STK10: variants seen among roughly 807,000 people sequenced by gnomAD.
STK10 encodes serine/threonine-protein kinase 10.
In STK10, 78 loss-of-function variants were observed where a neutral mutation model predicts 113.8. The observed-to-expected ratio is 0.69, with a 90% confidence interval of 0.57 to 0.83. The LOEUF (loss-of-function observed/expected upper bound fraction) is 0.83. STK10 is among the 40% of genes least tolerant of loss of function. STK10 has a pLI of 0.00. For synonymous variants in STK10, 465 were observed against 494.7 expected (o/e 0.94, Z 0.80); for missense variants, 1,109 against 1,280.1 (o/e 0.87, Z 2.04).
rs192931113 is a variant in STK10 at position 172,105,806 on chromosome 5, A to C, written c.789-69T>G. 7,648 of 1,388,490 alleles carry C rather than the reference A, an allele frequency of 5.5e-3. 76 individuals are homozygous for C. Among genetic ancestry groups the C allele is most frequent in the South Asian group, 0.024 (2,053 of 86,226 alleles). The allele number at this position is 1,388,490 out of a possible 1,614,324, so 86.0% of individuals were successfully genotyped here. On this transcript the variant is annotated intron_variant, in intron 6 of 18. Transcript: ENST00000176763. Reference sequence around the variant, plus strand: ...CAGAGAGAAGCCCCCCACGTCACAGACTCCACTGTCCCAATCATGCCCCTC... The same window carrying C: ...CAGAGAGAAGCCCCCCACGTCACAGCCTCCACTGTCCCAATCATGCCCCTC...
At chr5:172,178,855 T>C (rs558484733) in intron 1 of STK10, among the ~76,000 whole-genome samples, 2 of 152,320 alleles carry the variant, frequency 1.3e-5, no homozygotes, top group African/African-American at 4.8e-5. Flanking sequence ...CCCTCCCCCA[T>C]GGAGCATGTG....
At chr5:172,100,015 T>C (rs1335118673) in intron 7 of STK10, among the ~76,000 whole-genome samples, 1 of 152,220 alleles carries the variant, frequency 6.6e-6, no homozygotes, top group Non-Finnish European at 1.5e-5. Flanking sequence ...AGGGCAGCTC[T>C]GCCAGGCACC....
rs776657221 is a variant in STK10 at position 172,057,362 on chromosome 5, C to A, written c.2324G>T (p.Arg775Leu). The A allele has an allele frequency of 6.4e-7, 1 of 1,574,748 alleles. No individual in the cohort carries two copies. The highest frequency in any genetic ancestry group is 8.6e-7 in the Non-Finnish European group (1 of 1,160,400). Reference sequence around the variant, plus strand: ...CGGCAGCCTCACCTTCTCATGCTTGCGCAGCAGCTCGTGCCGCTGGAGGAA... The same window carrying A: ...CGGCAGCCTCACCTTCTCATGCTTGAGCAGCAGCTCGTGCCGCTGGAGGAA... ...QYFLQRHELL[R>L]KHEKEREQMQ... The change falls in exon 15 of 19, where the codon CGC becomes CTC. Residue 775 changes from arginine (R) to leucine (L), a missense_variant. This residue lies in a region of STK10 where 885 missense variants were observed against 991.1 expected (regional missense o/e 0.89). Transcript: ENST00000176763.
At chr5:172,180,677 C>T (rs1202011927) in intron 1 of STK10, among the ~76,000 whole-genome samples, 1 of 151,042 alleles carries the variant, frequency 6.6e-6, no homozygotes, top group Non-Finnish European at 1.5e-5. Flanking sequence ...GGCGTGGTGG[C>T]GCACACCTGT....
At chr5:172,175,101 G>A (rs1056348814) in intron 1 of STK10, among the ~76,000 whole-genome samples, 36 of 152,082 alleles carry the variant, frequency 2.4e-4, no homozygotes, top group Non-Finnish European at 7.4e-5. Context: ...CTGCAGCCTT[G>A]AATTCCTGGC....
At chr5:172,090,643 G>A (rs934262947) in intron 9 of STK10, among the ~76,000 whole-genome samples, 7 of 152,120 alleles carry the variant, frequency 4.6e-5, no homozygotes, top group Admixed American at 1.3e-4. Flanking sequence ...GTGTCAGAAA[G>A]AGCTGCGTTC....
rs1455417341 is a variant in STK10 at position 172,093,979 on chromosome 5, A to C, written c.1006-19T>G. 5 of 1,386,746 alleles carry C rather than the reference A, an allele frequency of 3.6e-6. No individual in the cohort carries two copies. The South Asian group carries it at 8.2e-5, about 23-fold the overall frequency. 85.9% of individuals were successfully genotyped at this position (1,386,746 alleles called of 1,614,324 possible). A position where few individuals can be genotyped will look rare whatever the true frequency, so the allele number is the denominator to read the frequency against. On this transcript the variant is annotated intron_variant, in intron 8 of 18. Coordinates refer to ENST00000176763, the MANE Select transcript of STK10 (RefSeq NM_005990.4). This position sits in a 1 kb window ranked among gnomAD's most constrained non-coding sequence, Gnocchi z 4.1. ...CCAGGGTCTAGAAAAATATATATAT[A>C]TATATTAAAGGCCATGCTGCTGTAT...
intron 1 of STK10, among the ~76,000 whole-genome samples, chr5:172,178,932 A>G (rs965781026): frequency 6.6e-5 from 10 of 152,192 alleles, no homozygotes; most frequent in African/African-American, 2.4e-4. Context: ...AGTGGGCTGA[A>G]GCCAGGGATC....
chr5:172,155,127 G>A (rs1770321758), intron 2 of STK10, among the ~76,000 whole-genome samples: 1 of 139,752 alleles, frequency 7.2e-6, no homozygotes, highest in South Asian at 2.7e-4. Context: ...GTGGGTGGGT[G>A]GGTCAATGGG....
intron 2 of STK10, among the ~76,000 whole-genome samples, chr5:172,146,134 G>A (rs925792712): frequency 6.6e-6 from 1 of 152,082 alleles, no homozygotes; most frequent in African/African-American, 2.4e-5. Context: ...CCTCCTCCCT[G>A]CCCCCTGTAG....
At chr5:172,047,152 A>G (rs908048177) in intron 18 of STK10, among the ~76,000 whole-genome samples, 1 of 152,246 alleles carries the variant, frequency 6.6e-6, no homozygotes, top group Non-Finnish European at 1.5e-5. Context: ...TTATTCTCGA[A>G]TGAAAATCAT....
At chr5:172,172,021 G>C (rs1476169715) in intron 1 of STK10, among the ~76,000 whole-genome samples, 1 of 151,704 alleles carries the variant, frequency 6.6e-6, no homozygotes, top group Non-Finnish European at 1.5e-5. Flanking sequence ...GTGAAACCCT[G>C]TCTCTACAAA....
At position 172,120,784 on chromosome 5, in the gene STK10, A is replaced by G. The variant is rs1005605945; in HGVS notation, c.371-3154T>C. ...TGGAATATGTGCCGCAATCTTTTTA[A>G]TGGCAAAAATGTGTCTTGCTCATGT... On this transcript the variant is annotated intron_variant, in intron 3 of 18. Transcript: ENST00000176763. This position sits in a 1 kb window ranked among gnomAD's most constrained non-coding sequence, Gnocchi z 4.0. Among the ~76,000 whole-genome samples the G allele has an allele frequency of 6.6e-6, 1 of 152,202 alleles. No individual in the cohort carries two copies. The highest frequency in any genetic ancestry group is 1.5e-5 in the Non-Finnish European group (1 of 68,028).
intron 3 of STK10, among the ~76,000 whole-genome samples, chr5:172,119,017 G>GT (rs1178187115): frequency 2.0e-5 from 3 of 152,130 alleles, no homozygotes; most frequent in Admixed American, 6.5e-5. Flanking sequence ...TGGCACCAGG[G>GT]TATGCGGATG....
chr5:172,170,258 G>A (rs981873394), intron 1 of STK10, among the ~76,000 whole-genome samples: 11 of 151,928 alleles, frequency 7.2e-5, no homozygotes, highest in Admixed American at 5.9e-4. Context: ...ATAAGAAGTC[G>A]ACTTTCTCCA....
At chr5:172,169,131 T>C (rs1770621254) in intron 1 of STK10, among the ~76,000 whole-genome samples, 1 of 152,140 alleles carries the variant, frequency 6.6e-6, no homozygotes, top group East Asian at 1.9e-4. Flanking sequence ...AACCCCAGCC[T>C]AGCTCATGAC....
chr5:172,124,570 G>A lies in STK10; in HGVS notation c.370+2803C>T, dbSNP rs200802071. 1.9e-4 allele frequency among the ~76,000 whole-genome samples: 29 copies of A among 152,254 alleles called. No homozygotes were observed. The East Asian group carries it at 1.9e-3, about 10-fold the overall frequency. ...ATGGGGCAGTAAGTGGCTCTGTAACGAAGGCTTGTGGGTCCTACATTTCTA... is the reference window on the plus strand; with the variant it reads ...ATGGGGCAGTAAGTGGCTCTGTAACAAAGGCTTGTGGGTCCTACATTTCTA... On this transcript the variant is annotated intron_variant, in intron 3 of 18. Coordinates refer to ENST00000176763, the MANE Select transcript of STK10 (RefSeq NM_005990.4).
rs573146521 is a variant in STK10 at position 172,127,250 on chromosome 5, A to G, written c.370+123T>C. ...TAGTAGAGAGGTGCTCAAAGAGGCC[A>G]TGGGAACTGATGGAATGGGAGAGTG... On this transcript the variant is annotated intron_variant, in intron 3 of 18. Transcript: ENST00000176763. 11 of 1,009,864 alleles carry G rather than the reference A, an allele frequency of 1.1e-5. No homozygotes were observed. The East Asian group carries it at 2.8e-4, about 26-fold the overall frequency. 62.6% of individuals were successfully genotyped at this position (1,009,864 alleles called of 1,614,324 possible). A position where few individuals can be genotyped will look rare whatever the true frequency, so the allele number is the denominator to read the frequency against.
At chr5:172,145,941 C>A (rs1770077806) in intron 2 of STK10, among the ~76,000 whole-genome samples, 1 of 152,212 alleles carries the variant, frequency 6.6e-6, no homozygotes, top group African/African-American at 2.4e-5. Context: ...GCGCCTGCCC[C>A]GTGCAAGGCT....
Sources: allele counts gnomAD v4.1 joint callset (sites outside exome capture counted in the v4.1 genomes callset), GRCh38; gene constraint gnomAD v4.1.1; regional missense constraint gnomAD v4.1.1; non-coding constraint Gnocchi (gnomAD v3.1); transcripts MANE v1.5; gene names NCBI Gene and HGNC (gene_info 2026-07-23, HGNC 2026-07-21).